Variants in CCDC91 observed in about 807,000 individuals in gnomAD.
CCDC91 encodes the protein coiled-coil domain containing 91.
In CCDC91, 48 loss-of-function variants were observed where a neutral mutation model predicts 63.2. That is an observed-to-expected ratio of 0.76 (90% CI 0.60 to 0.97). The LOEUF is 0.97. CCDC91 is among the 50% of genes least tolerant of loss of function. CCDC91 has a pLI of 0.00. For missense variants in CCDC91, 500 were observed against 494.6 expected (o/e 1.01, Z -0.10); for synonymous variants, 167 against 165.8 (o/e 1.01, Z -0.06).
At chr12:28,533,872 A>T (rs1941942571) in intron 12 of CCDC91, among the ~76,000 whole-genome samples, 1 of 152,030 alleles carries the variant, frequency 6.6e-6, no homozygotes, top group African/African-American at 2.4e-5. Context: ...GATTTGATCA[A>T]GAGAAGTACT....
intron 6 of CCDC91, among the ~76,000 whole-genome samples, chr12:28,348,092 G>A (rs1217747344): frequency 1.3e-5 from 2 of 152,112 alleles, no homozygotes; most frequent in African/African-American, 4.8e-5. Flanking sequence ...GGACATTATG[G>A]GCTGCACAGT....
chr12:28,417,447 G>C (rs1419069003), intron 8 of CCDC91, among the ~76,000 whole-genome samples: 1 of 151,780 alleles, frequency 6.6e-6, no homozygotes, highest in African/African-American at 2.4e-5. Context: ...ATCTGTTTTA[G>C]GTCTCAATAG....
chr12:28,481,327 C>T (rs1263688189), intron 11 of CCDC91, among the ~76,000 whole-genome samples: 5 of 151,864 alleles, frequency 3.3e-5, no homozygotes, highest in African/African-American at 9.7e-5. Context: ...CAGGATGCTC[C>T]CTTACAGCAA....
chr12:28,332,233 CA>C (rs1215463936), intron 6 of CCDC91, among the ~76,000 whole-genome samples: 3 of 151,812 alleles, frequency 2.0e-5, no homozygotes, highest in African/African-American at 7.3e-5. Context: ...TCAGTAAGGA[CA>C]AAAAAATCAG....
chr12:28,318,722 T>C (rs553868698), intron 6 of CCDC91, among the ~76,000 whole-genome samples: 1 of 152,160 alleles, frequency 6.6e-6, no homozygotes, highest in East Asian at 1.9e-4. Flanking sequence ...CATTTTCTTA[T>C]CCCTGTTCTA....
At chr12:28,284,716 C>T (rs1208612136) in intron 3 of CCDC91, among the ~76,000 whole-genome samples, 1 of 151,388 alleles carries the variant, frequency 6.6e-6, no homozygotes, top group Non-Finnish European at 1.5e-5. Flanking sequence ...TCCTTAAATA[C>T]GACCAGATAT....
chr12:28,243,714 G>A (rs376882819), intron 1 of CCDC91, among the ~76,000 whole-genome samples: 5 of 152,124 alleles, frequency 3.3e-5, no homozygotes, highest in East Asian at 1.9e-4. Context: ...TGTGACCTAT[G>A]TAAAAATAGA....
At chr12:28,476,653 AC>A (rs1481257576) in intron 11 of CCDC91, among the ~76,000 whole-genome samples, 2 of 152,092 alleles carry the variant, frequency 1.3e-5, no homozygotes, top group African/African-American at 4.8e-5. Flanking sequence ...AACACAAAAA[AC>A]CCTTCAAAAA....
At chr12:28,228,151 G>A (rs761735322) in intron 1 of CCDC91, among the ~76,000 whole-genome samples, 17 of 151,796 alleles carry the variant, frequency 1.1e-4, no homozygotes, top group African/African-American at 3.4e-4. Context: ...CAACAATTCC[G>A]CATTATTTGT....
chr12:28,539,305 A>G (rs1282938676), intron 12 of CCDC91, among the ~76,000 whole-genome samples: 3 of 152,224 alleles, frequency 2.0e-5, no homozygotes, highest in African/African-American at 2.4e-5. Context: ...GAAGGGATCC[A>G]GTTTCAGCTT....
intron 3 of CCDC91, among the ~76,000 whole-genome samples, chr12:28,264,787 GA>G (rs1947079544): frequency 6.6e-6 from 1 of 151,768 alleles, no homozygotes; most frequent in East Asian, 1.9e-4. Flanking sequence ...CAAAGTTTCA[GA>G]ATCCATGGAG....
At chr12:28,452,424 A>C in intron 10 of CCDC91, 54 bp from the exon 11 acceptor site, 2 of 1,233,216 alleles carry the variant, frequency 1.6e-6, no homozygotes, top group East Asian at 2.4e-5. Context: ...TCTGTTACTC[A>C]AGAAATTATT....
intron 8 of CCDC91, among the ~76,000 whole-genome samples, chr12:28,420,873 T>G (rs980899271): frequency 1.3e-5 from 2 of 152,046 alleles, no homozygotes; most frequent in East Asian, 1.9e-4. Context: ...TTCACAAATG[T>G]TTTTTGAGTT....
At chr12:28,209,494 T>C (rs906985556) in intron 1 of CCDC91, among the ~76,000 whole-genome samples, 8 of 151,726 alleles carry the variant, frequency 5.3e-5, no homozygotes, top group Non-Finnish European at 8.8e-5. Flanking sequence ...GCCCGTGGTG[T>C]GATCTCGGCT....
chr12:28,451,334 T>C (rs1382038045), intron 10 of CCDC91, among the ~76,000 whole-genome samples: 1 of 151,488 alleles, frequency 6.6e-6, no homozygotes, highest in East Asian at 1.9e-4. Flanking sequence ...AGGAAAGAAA[T>C]AGACAAATTC....
chr12:28,406,893 C>G (rs1193647595), intron 8 of CCDC91, among the ~76,000 whole-genome samples: 1 of 150,288 alleles, frequency 6.7e-6, no homozygotes, highest in Non-Finnish European at 1.5e-5. Flanking sequence ...TTCTTTTGTA[C>G]ATGACATGGT....
At chr12:28,489,141 G>A (rs550863932) in intron 12 of CCDC91, among the ~76,000 whole-genome samples, 89 of 151,912 alleles carry the variant, frequency 5.9e-4, no homozygotes, top group Non-Finnish European at 1.2e-3. Context: ...ATTATCTTGC[G>A]GGGAAAGTTT....
At chr12:28,378,135 AGC>A (rs937251626) in intron 7 of CCDC91, among the ~76,000 whole-genome samples, 2 of 152,074 alleles carry the variant, frequency 1.3e-5, no homozygotes, top group African/African-American at 4.8e-5. Context: ...ACACTTTAGT[AGC>A]TCTAAAATCA....
At chr12:28,416,000 G>A (rs996335081) in intron 8 of CCDC91, among the ~76,000 whole-genome samples, 4 of 150,774 alleles carry the variant, frequency 2.7e-5, no homozygotes, top group African/African-American at 7.3e-5. Flanking sequence ...TGGAAATCCA[G>A]TCATGAGGTA....
Sources: gnomAD v4.1 joint callset for allele counts (sites outside exome capture counted in the v4.1 genomes callset) on GRCh38, gnomAD v4.1.1 for gene constraint, MANE v1.5 for transcripts, NCBI Gene and HGNC (gene_info 2026-07-23, HGNC 2026-07-21) for gene names.